The following UBAC2 variants were observed in gnomAD, a reference collection of about 807,000 sequenced individuals.
The protein encoded by UBAC2 is ubiquitin-associated domain-containing protein 2.
A neutral mutation model predicts 44.0 loss-of-function variants in UBAC2; 26 were observed. The ratio of observed to expected loss-of-function variants is 0.59; its 90% CI spans 0.43 to 0.82. The LOEUF (loss-of-function observed/expected upper bound fraction) is 0.82, where lower values mean the gene tolerates loss of function less well. UBAC2 is among the 40% of genes least tolerant of loss of function. The pLI is 0.00. For synonymous variants in UBAC2, 155 were observed against 154.3 expected (o/e 1.00, Z -0.04); for missense variants, 329 against 419.4 (o/e 0.78, Z 1.88).
intron 4 of UBAC2, among the ~76,000 whole-genome samples, chr13:99,247,381 ATTTT>A (rs906347389): frequency 6.6e-6 from 1 of 150,698 alleles, no homozygotes; most frequent in African/African-American, 2.4e-5. Flanking sequence ...CGCCCGGCTA[ATTTT>A]TTGTATTTTT....
intron 4 of UBAC2, among the ~76,000 whole-genome samples, chr13:99,263,623 CAG>C (rs926923187): frequency 5.9e-5 from 9 of 152,202 alleles, no homozygotes; most frequent in African/African-American, 2.2e-4. Flanking sequence ...CTCCATGACT[CAG>C]AGTCCACTCC....
In UBAC2 at chr13:99,200,878, C is replaced by A; in HGVS notation, c.-31C>A. Reference sequence around the variant, plus strand: ...CGCACTTCAGCTTCCCCTCCCCCGGCGCCCTCTGGGGCTCCGAGCCCGGCG... The same window carrying A: ...CGCACTTCAGCTTCCCCTCCCCCGGAGCCCTCTGGGGCTCCGAGCCCGGCG... On this transcript the variant is annotated 5_prime_UTR_variant, in exon 1 of 9. Coordinates refer to ENST00000403766, the MANE Select transcript of UBAC2 (RefSeq NM_001144072.2). 1.5e-6 allele frequency: 2 copies of A among 1,297,596 alleles called. No homozygotes were observed. The highest frequency in any genetic ancestry group is 2.0e-6 in the Non-Finnish European group (2 of 1,013,612). The allele number at this position is 1,297,596 out of a possible 1,614,324, so 80.4% of individuals were successfully genotyped here.
intron 8 of UBAC2, chr13:99,377,333 A>T (rs1287669253): frequency 2.6e-5 from 4 of 152,272 alleles, no homozygotes; most frequent in African/African-American, 4.8e-5. Context: ...TCATTCCTGT[A>T]CTTTAACAAC....
At chr13:99,289,639 G>A (rs757528716) in intron 4 of UBAC2, among the ~76,000 whole-genome samples, 18 of 152,062 alleles carry the variant, frequency 1.2e-4, no homozygotes, top group Non-Finnish European at 1.9e-4. Context: ...TTCCAAGTAG[G>A]TTAAACACTG....
intron 2 of UBAC2, among the ~76,000 whole-genome samples, chr13:99,240,631 C>T (rs1272363284): frequency 6.6e-6 from 1 of 152,134 alleles, no homozygotes; most frequent in Non-Finnish European, 1.5e-5. Context: ...CCTATGTGCT[C>T]TCGTGTACTG....
chr13:99,365,307 A>G (rs1166279766), intron 7 of UBAC2, among the ~76,000 whole-genome samples: 1 of 152,020 alleles, frequency 6.6e-6, no homozygotes, highest in Non-Finnish European at 1.5e-5. Flanking sequence ...TTTTACTGAC[A>G]TTTGCTCTCA....
intron 8 of UBAC2, among the ~76,000 whole-genome samples, chr13:99,380,400 A>G (rs2045535995): frequency 6.6e-6 from 1 of 152,186 alleles, no homozygotes; most frequent in African/African-American, 2.4e-5. Flanking sequence ...GCAGAGGAAT[A>G]GTGAGAGCCA....
Position 99,295,888 on chromosome 13 carries a change from T to C in UBAC2, c.390-18209T>C. ...AGCCCATTGCATAGTAGGCTATTCG[T>C]GTAGGCAAAGCGGTGGTAAAAAGTA... On this transcript the variant is annotated intron_variant, in intron 4 of 8. Transcript: ENST00000403766. This position sits in a 1 kb window ranked among gnomAD's most constrained non-coding sequence, Gnocchi z 4.1. 6.2e-7 allele frequency: 1 copy of C among 1,611,902 alleles called. No homozygotes were observed.
intron 1 of UBAC2, chr13:99,201,496 A>C: frequency 1.2e-6 from 2 of 1,614,210 alleles, no homozygotes; most frequent in Non-Finnish European, 1.7e-6. Flanking sequence ...GAAGTTAGGA[A>C]GTCGTGGCGA....
intron 4 of UBAC2, chr13:99,307,353 G>A (rs1464302705): frequency 1.3e-5 from 2 of 152,066 alleles, no homozygotes; most frequent in Non-Finnish European, 2.9e-5. Context: ...TCAGTGACTC[G>A]TTCGGGTCTC....
chr13:99,385,444 G>T lies in UBAC2; in HGVS notation c.*109G>T, dbSNP rs2045607815. The T allele has an allele frequency of 3.5e-6, 3 of 868,772 alleles. No homozygotes were observed. Among genetic ancestry groups the T allele is most frequent in the African/African-American group, 3.3e-5 (2 of 60,644 alleles). The allele number at this position is 868,772 out of a possible 1,614,324, so 53.8% of individuals were successfully genotyped here. A position where few individuals can be genotyped will look rare whatever the true frequency, so the allele number is the denominator to read the frequency against. ...CATCTCTGGTGCTGATGTTCTTGTGGGAAGAGGGAGGTTCCACCGCACCCC... is the reference window on the plus strand; with the variant it reads ...CATCTCTGGTGCTGATGTTCTTGTGTGAAGAGGGAGGTTCCACCGCACCCC... On this transcript the variant is annotated 3_prime_UTR_variant, in exon 9 of 9. Transcript: ENST00000403766.
chr13:99,351,327 G>A (rs2045084549), intron 7 of UBAC2: 1 of 344,764 alleles, frequency 2.9e-6, no homozygotes, highest in African/African-American at 2.1e-5. Context: ...CAGTCAGCAG[G>A]TGATGGCCTG....
At position 99,254,814 on chromosome 13, in the gene UBAC2, A is replaced by G; in HGVS notation, c.389+10190A>G. 19 of 1,271,120 alleles carry G rather than the reference A, an allele frequency of 1.5e-5. No homozygotes were observed. The South Asian group carries it at 2.2e-4, about 15-fold the overall frequency. 78.7% of individuals were successfully genotyped at this position (1,271,120 alleles called of 1,614,324 possible). A position where few individuals can be genotyped will look rare whatever the true frequency, so the allele number is the denominator to read the frequency against. ...CTTGATAGTATTATACAGAATATCC[A>G]TTGACGCCAGAGTAGTTAGTGAAGT... On this transcript the variant is annotated intron_variant, in intron 4 of 8. Coordinates refer to ENST00000403766, the MANE Select transcript of UBAC2 (RefSeq NM_001144072.2).
intron 3 of UBAC2, among the ~76,000 whole-genome samples, chr13:99,244,165 A>G (rs2043352940): frequency 6.6e-6 from 1 of 152,210 alleles, no homozygotes. Context: ...GATAATATGT[A>G]GTATTAGTTG....
intron 1 of UBAC2, among the ~76,000 whole-genome samples, chr13:99,229,474 G>A (rs941932521): frequency 1.3e-5 from 2 of 152,236 alleles, no homozygotes; most frequent in African/African-American, 2.4e-5. Context: ...AATGGATGTT[G>A]TGCTGGAGAG....
chr13:99,242,499 C>T (rs1330194556), intron 2 of UBAC2, among the ~76,000 whole-genome samples: 7 of 138,222 alleles, frequency 5.1e-5, no homozygotes, highest in African/African-American at 1.6e-4. Flanking sequence ...GCTGGCCGGG[C>T]GGGGGGCTGC....
intron 4 of UBAC2, among the ~76,000 whole-genome samples, chr13:99,267,626 A>T (rs9557189): frequency 6.6e-6 from 1 of 152,150 alleles, no homozygotes; most frequent in Admixed American, 6.5e-5. Flanking sequence ...TCCACTTGCT[A>T]CTGCTGCTTT....
In UBAC2 at chr13:99,295,482, T is replaced by G; in HGVS notation, c.390-18615T>G. On this transcript the variant is annotated intron_variant, in intron 4 of 8. Coordinates refer to ENST00000403766, the MANE Select transcript of UBAC2 (RefSeq NM_001144072.2). This position sits in a 1 kb window ranked among gnomAD's most constrained non-coding sequence, Gnocchi z 4.1. ...TTTTGTTTGGCAGTTCTGAAGAGTT[T>G]GCAGCAGATCTGAGAATAGCAGATG... is the stretch of plus-strand genomic sequence containing the variant. The G allele has an allele frequency of 6.2e-7, 1 of 1,614,008 alleles. No homozygotes were observed. Among genetic ancestry groups the G allele is most frequent in the East Asian group, 2.2e-5 (1 of 44,884 alleles).
chr13:99,359,335 TG>T (rs1309235118), intron 7 of UBAC2, among the ~76,000 whole-genome samples: 2 of 152,204 alleles, frequency 1.3e-5, no homozygotes, highest in African/African-American at 4.8e-5. Flanking sequence ...GCAGGGAGGT[TG>T]TCTTAATTCT....
Sources: allele counts gnomAD v4.1 joint callset (sites outside exome capture counted in the v4.1 genomes callset), GRCh38; gene constraint gnomAD v4.1.1; non-coding constraint Gnocchi (gnomAD v3.1); transcripts MANE v1.5; gene names NCBI Gene and HGNC (gene_info 2026-07-23, HGNC 2026-07-21).